The following PLCL1 variants were observed in gnomAD, a reference collection of about 807,000 sequenced individuals.
PLCL1 encodes phospholipase C like 1 (inactive).
Under a neutral mutation model 84.4 loss-of-function variants are expected in PLCL1, and 41 were observed. That is an observed-to-expected ratio of 0.49 (90% CI 0.38 to 0.63). PLCL1 has a LOEUF of 0.63. Ranked by LOEUF, PLCL1 falls within the 30% of genes least tolerant of loss-of-function variation. PLCL1 has a pLI of 0.00. For synonymous variants in PLCL1, 490 were observed against 488.3 expected, an observed-to-expected ratio of 1.00 and a Z score of -0.05; for missense variants, 1,206 against 1,367.8, an observed-to-expected ratio of 0.88 and a Z score of 1.87.
At chr2:197,987,828 C>T (rs571587296) in intron 1 of PLCL1, among the ~76,000 whole-genome samples, 3 of 152,182 alleles carry the variant, frequency 2.0e-5, no homozygotes, top group Admixed American at 6.5e-5. Flanking sequence ...ATATTTCAAA[C>T]ATCAGACTAT....
chr2:198,103,312 TAGG>T (rs1469576679), intron 4 of PLCL1, among the ~76,000 whole-genome samples: 1 of 152,038 alleles, frequency 6.6e-6, no homozygotes, highest in Non-Finnish European at 1.5e-5. Context: ...TGTGGGTACA[TAGG>T]AGGTGTATAT....
chr2:197,951,824 G>A (rs1689395887), intron 1 of PLCL1, among the ~76,000 whole-genome samples: 1 of 152,070 alleles, frequency 6.6e-6, no homozygotes, highest in Non-Finnish European at 1.5e-5. Flanking sequence ...GGTTGCTTGT[G>A]GGACGTGACT....
chr2:197,906,669 C>T (rs750653230), intron 1 of PLCL1, among the ~76,000 whole-genome samples: 2 of 152,152 alleles, frequency 1.3e-5, no homozygotes, highest in Admixed American at 6.6e-5. Flanking sequence ...GCCATTTTCA[C>T]GATGTTGATT....
chr2:198,058,017 A>G (rs1692108253), intron 1 of PLCL1, among the ~76,000 whole-genome samples: 1 of 152,242 alleles, frequency 6.6e-6, no homozygotes, highest in Non-Finnish European at 1.5e-5. Flanking sequence ...AATAAATACT[A>G]TGTGACTTAA....
intron 1 of PLCL1, among the ~76,000 whole-genome samples, chr2:198,034,070 T>C (rs1461066573): frequency 6.6e-6 from 1 of 152,198 alleles, no homozygotes. Context: ...TATGTATACA[T>C]GTACCATGTT....
At chr2:197,951,204 T>C (rs1689383572) in intron 1 of PLCL1, among the ~76,000 whole-genome samples, 1 of 152,206 alleles carries the variant, frequency 6.6e-6, no homozygotes, top group Non-Finnish European at 1.5e-5. Flanking sequence ...CATACTTATC[T>C]CTGAAATAAA....
intron 1 of PLCL1, among the ~76,000 whole-genome samples, chr2:198,006,666 G>C (rs1406344325): frequency 1.3e-5 from 2 of 152,164 alleles, no homozygotes; most frequent in Non-Finnish European, 2.9e-5. Context: ...TCTCTTCCTG[G>C]AGAGGCTGCT....
At position 197,838,695 on chromosome 2, in the gene PLCL1, G is replaced by T. The variant is rs181473402; in HGVS notation, c.240+33356G>T. 4.5e-4 allele frequency among the ~76,000 whole-genome samples: 69 copies of T among 152,258 alleles called. 1 individual carries two copies. Among genetic ancestry groups the T allele is most frequent in the Admixed American group, 4.2e-3 (64 of 15,302 alleles). On this transcript the variant is annotated intron_variant, in intron 1 of 5. Transcript: ENST00000428675. ...AAGGATTGAAATTTGACTTTAAGAG[G>T]GTGAGTGGCAATGGAGCTCCTCGAT...
chr2:197,982,365 T>C (rs1409795476), intron 1 of PLCL1, among the ~76,000 whole-genome samples: 2 of 152,178 alleles, frequency 1.3e-5, no homozygotes, highest in African/African-American at 2.4e-5. Flanking sequence ...ATGTTAAGTG[T>C]ATAATCTCAG....
intron 1 of PLCL1, among the ~76,000 whole-genome samples, chr2:197,913,104 G>A (rs1229424738): frequency 6.6e-6 from 1 of 152,094 alleles, no homozygotes; most frequent in East Asian, 1.9e-4. Flanking sequence ...TGTACATTTT[G>A]GCTTAATGAA....
intron 1 of PLCL1, among the ~76,000 whole-genome samples, chr2:197,940,951 TTTTA>T (rs1689146766): frequency 6.6e-6 from 1 of 152,198 alleles, no homozygotes; most frequent in African/African-American, 2.4e-5. Context: ...AGTAGTTGAT[TTTTA>T]TTTGTCCTTT....
In PLCL1 at chr2:197,805,210, C is replaced by A; in HGVS notation, c.111C>A (p.Ala37=). 7.8e-7 allele frequency: 1 copy of A among 1,275,166 alleles called. No individual in the cohort carries two copies. The highest frequency in any genetic ancestry group is 3.1e-5 in the East Asian group (1 of 31,756). 79.0% of individuals were successfully genotyped at this position (1,275,166 alleles called of 1,614,324 possible). ...PDAAGDCVTA[A]SGGRMRDRRS... Reference sequence around the variant, plus strand: ...CCGCCGGGGACTGCGTGACGGCGGCCTCTGGGGGCCGGATGAGGGACCGTC... The same window carrying A: ...CCGCCGGGGACTGCGTGACGGCGGCATCTGGGGGCCGGATGAGGGACCGTC... The change falls in exon 1 of 6, where the codon GCC becomes GCA. Residue 37 remains alanine, a synonymous_variant. Transcript: ENST00000428675. This position sits in a 1 kb window ranked among gnomAD's most constrained non-coding sequence, Gnocchi z 4.0.
intron 1 of PLCL1, among the ~76,000 whole-genome samples, chr2:198,038,656 A>G (rs1691595916): frequency 6.6e-6 from 1 of 152,160 alleles, no homozygotes; most frequent in Non-Finnish European, 1.5e-5. Flanking sequence ...TAAACAAAAC[A>G]GTTATTCTAT....
rs1262147684 is a variant in PLCL1, at chr2:198,085,679, T to A, written c.2162T>A (p.Leu721Gln). 1 of 1,614,164 alleles carries A rather than the reference T, an allele frequency of 6.2e-7. No individual in the cohort carries two copies. Among genetic ancestry groups the A allele is most frequent in the Non-Finnish European group, 8.5e-7 (1 of 1,179,994 alleles). The change falls in exon 2 of 6, where the codon CTA (leucine) becomes CAA (glutamine). Residue 721 changes from leucine to glutamine, a missense_variant. Leu to Gln is a moderately radical substitution (Grantham distance 113, BLOSUM62 -2). Transcript: ENST00000428675. The surrounding 1 kb of genome is among the most constrained non-coding windows in gnomAD (Gnocchi z 5.3). ...GGCATTCTACCTGGGGTGTCTCCTCTAGCTCTTCATATCAAGATCATCAGT... is the reference window on the plus strand; with the variant it reads ...GGCATTCTACCTGGGGTGTCTCCTCAAGCTCTTCATATCAAGATCATCAGT... ...TKGILPGVSP[L>Q]ALHIKIISGQ...
chr2:197,978,718 G>A (rs568943192), intron 1 of PLCL1, among the ~76,000 whole-genome samples: 6 of 152,198 alleles, frequency 3.9e-5, no homozygotes, highest in Admixed American at 1.3e-4. Context: ...GCAGCTCAGC[G>A]TAGCTCAGGG....
Position 198,024,007 on chromosome 2 carries a change from T to A in PLCL1, c.241-59751T>A, listed in dbSNP as rs571277784. On this transcript the variant is annotated intron_variant, in intron 1 of 5. Coordinates refer to ENST00000428675, the MANE Select transcript of PLCL1 (RefSeq NM_006226.4). ...GACTTGGAACTAACCCAAATGCCCA[T>A]CAATGTTAGATTGGATAAAGAAAAT... Among the ~76,000 whole-genome samples, 7 of 152,122 alleles carry A rather than the reference T, an allele frequency of 4.6e-5. No homozygotes were observed. In the East Asian group the frequency reaches 1.3e-3, roughly 29 times the overall value.
At chr2:198,145,382 C>T (rs1008411482) in intron 5 of PLCL1, among the ~76,000 whole-genome samples, 13 of 152,272 alleles carry the variant, frequency 8.5e-5, no homozygotes, top group Admixed American at 5.2e-4. Context: ...AGATTGTAAA[C>T]ATGGTGTGGG....
intron 1 of PLCL1, among the ~76,000 whole-genome samples, chr2:197,889,170 A>C (rs188560537): frequency 6.6e-6 from 1 of 152,360 alleles, no homozygotes; most frequent in Non-Finnish European, 1.5e-5. Flanking sequence ...AAATTCCGAG[A>C]AGCATAGTGA....
At chr2:198,109,560 A>C (rs1693566306) in intron 5 of PLCL1, among the ~76,000 whole-genome samples, 1 of 151,904 alleles carries the variant, frequency 6.6e-6, no homozygotes, top group South Asian at 2.1e-4. Context: ...CATTGTTAGT[A>C]ATTTTGGAAG....
Sources: allele counts gnomAD v4.1 joint callset (sites outside exome capture counted in the v4.1 genomes callset), GRCh38; gene constraint gnomAD v4.1.1; non-coding constraint Gnocchi (gnomAD v3.1); transcripts MANE v1.5; gene names NCBI Gene and HGNC (gene_info 2026-07-23, HGNC 2026-07-21).